The following PTPN13 variants were observed in gnomAD, a reference collection of about 807,000 sequenced individuals.
The protein encoded by PTPN13 is protein tyrosine phosphatase non-receptor type 13.
A neutral mutation model predicts 284.0 loss-of-function variants in PTPN13; 191 were observed. That is an observed-to-expected ratio of 0.67 (90% CI 0.60 to 0.76). The LOEUF (loss-of-function observed/expected upper bound fraction) is 0.76. Among genes scored for constraint, PTPN13 ranks in the 30% least tolerant of loss-of-function variants. PTPN13 has a pLI of 0.00. For missense variants in PTPN13, 2,797 were observed against 2,939.9 expected (o/e 0.95, Z 1.12); for synonymous variants, 986 against 1,022.3 (o/e 0.96, Z 0.68).
At chr4:86,692,558 T>G (rs1201904277) in intron 5 of PTPN13, among the ~76,000 whole-genome samples, 1 of 152,172 alleles carries the variant, frequency 6.6e-6, no homozygotes, top group Non-Finnish European at 1.5e-5. Context: ...TTCTCTCTTC[T>G]TCCATTTATA....
At position 86,784,477 on chromosome 4, in the gene PTPN13, G is replaced by A. The variant is rs1183547209; in HGVS notation, c.6037G>A (p.Glu2013Lys). The part of the protein sequence containing the change: ...NDSFSTVAGE[E>K]INEISYPKGK... ...TTTTATGCTTTAGGTTGCTGGGGAAGAAATAAATGAAATATCGTACCCCAA... is the reference window on the plus strand; with the variant it reads ...TTTTATGCTTTAGGTTGCTGGGGAAAAAATAAATGAAATATCGTACCCCAA... The change falls in exon 38 of 48, where the codon GAA becomes AAA. Residue 2013 changes from glutamate (E) to lysine (K), a missense_variant. Glu to Lys is a moderately conservative substitution (Grantham distance 56, BLOSUM62 1). Transcript: ENST00000411767. 1.2e-6 allele frequency: 2 copies of A among 1,603,552 alleles called. No individual in the cohort carries two copies. Among genetic ancestry groups the A allele is most frequent in the South Asian group, 2.3e-5 (2 of 88,836 alleles).
At chr4:86,723,510 C>T (rs551463906) in intron 10 of PTPN13, among the ~76,000 whole-genome samples, 1 of 152,272 alleles carries the variant, frequency 6.6e-6, no homozygotes, top group East Asian at 1.9e-4. Flanking sequence ...GGAACCTGTC[C>T]CTGGTGCCAA....
chr4:86,613,402 G>A (rs889822084), intron 1 of PTPN13, among the ~76,000 whole-genome samples: 10 of 151,894 alleles, frequency 6.6e-5, no homozygotes, highest in African/African-American at 1.2e-4. Context: ...TTGGGAGGCC[G>A]AGGCGGGCAG....
At chr4:86,595,585 C>T (rs1476204380) in intron 1 of PTPN13, 1 of 171,742 alleles carries the variant, frequency 5.8e-6, no homozygotes, top group East Asian at 1.9e-4. Flanking sequence ...ATGATCGACA[C>T]CACCGCACAC....
intron 3 of PTPN13, among the ~76,000 whole-genome samples, chr4:86,677,190 C>A (rs1333899657): frequency 6.6e-6 from 1 of 151,978 alleles, no homozygotes; most frequent in Non-Finnish European, 1.5e-5. Context: ...TGGCGTGAAC[C>A]TGGGAGGCAG....
chr4:86,694,555 G>C (rs540249409), intron 6 of PTPN13, among the ~76,000 whole-genome samples: 170 of 119,532 alleles, frequency 1.4e-3, no homozygotes, highest in Non-Finnish European at 9.2e-4. Flanking sequence ...TCCAGCCTGG[G>C]CAACAAAGAG....
At chr4:86,686,663 C>T (rs745627466) in intron 3 of PTPN13, 47 bp from the exon 4 acceptor site, 42 of 1,253,314 alleles carry the variant, frequency 3.4e-5, no homozygotes, top group Middle Eastern at 2.6e-4. Context: ...GCTTAATTTT[C>T]TATTGTATTT....
intron 8 of PTPN13, 141 bp from the exon 9 acceptor site, chr4:86,716,883 G>A (rs549065963): frequency 3.1e-6 from 2 of 643,000 alleles, no homozygotes; most frequent in East Asian, 2.7e-5. Context: ...CCTCAAAAGA[G>A]TTTAATAACA....
chr4:86,801,923 C>T (rs1230556092), intron 42 of PTPN13, among the ~76,000 whole-genome samples: 1 of 152,014 alleles, frequency 6.6e-6, no homozygotes, highest in Admixed American at 6.6e-5. Flanking sequence ...AGTATTGAAG[C>T]AAAGGATATT....
At chr4:86,723,252 G>C (rs1435671238) in intron 10 of PTPN13, among the ~76,000 whole-genome samples, 2 of 152,144 alleles carry the variant, frequency 1.3e-5, no homozygotes, top group South Asian at 2.1e-4. Context: ...CTCTAAAGCA[G>C]GGCTCCACAG....
intron 40 of PTPN13, among the ~76,000 whole-genome samples, chr4:86,790,091 G>T (rs946176355): frequency 6.6e-6 from 1 of 151,952 alleles, no homozygotes; most frequent in East Asian, 1.9e-4. Flanking sequence ...TCTTAGACCA[G>T]GATTGTAATG....
At chr4:86,785,437 A>G (rs1741789197) in intron 39 of PTPN13, 69 bp downstream of exon 39, 6 of 1,353,432 alleles carry the variant, frequency 4.4e-6, no homozygotes, top group Non-Finnish European at 6.0e-6. Context: ...GCATTTTTTG[A>G]GTAAATATGT....
chr4:86,600,413 T>TC (rs1764195762), intron 1 of PTPN13, among the ~76,000 whole-genome samples: 1 of 150,518 alleles, frequency 6.6e-6, no homozygotes, highest in Admixed American at 6.7e-5. Flanking sequence ...AGATGGTATT[T>TC]TTTTTTTTTA....
rs776990949 is a variant in PTPN13 at position 86,758,679 on chromosome 4, A to G, written c.3315A>G (p.Gly1105=). 1.2e-6 allele frequency: 2 copies of G among 1,610,252 alleles called. No individual in the cohort carries two copies. The highest frequency in any genetic ancestry group is 1.7e-6 in the Non-Finnish European group (2 of 1,176,794). The change falls in exon 22 of 48, where the codon GGA becomes GGG. Residue 1105 remains glycine (G), a splice_region_variant and synonymous_variant. Transcript: ENST00000411767. ...TTTTTAAAATGTGTTATTTTACAGGATTTCAAATTATTGGTGGGGAGAAGA... is the reference window on the plus strand; with the variant it reads ...TTTTTAAAATGTGTTATTTTACAGGGTTTCAAATTATTGGTGGGGAGAAGA... ...NLKKDAKYGL[G]FQIIGGEKMG... is the part of the protein sequence containing the mutation.
At chr4:86,706,684 A>G (rs1197836558) in intron 7 of PTPN13, among the ~76,000 whole-genome samples, 1 of 152,218 alleles carries the variant, frequency 6.6e-6, no homozygotes, top group Non-Finnish European at 1.5e-5. Context: ...GGAACAAAAA[A>G]GATCTCAAGA....
Position 86,728,467 on chromosome 4 carries a change from C to T in PTPN13, c.1609-3933C>T, listed in dbSNP as rs531108330. Reference sequence around the variant, plus strand: ...GGAGTCTAAGTCTCTTTGTAGGTCTCTAAGGACTTCCTTTATGAATCTGGG... The same window carrying T: ...GGAGTCTAAGTCTCTTTGTAGGTCTTTAAGGACTTCCTTTATGAATCTGGG... On this transcript the variant is annotated intron_variant, in intron 10 of 47. Transcript: ENST00000411767. Among the ~76,000 whole-genome samples, 76 of 148,060 alleles carry T rather than the reference C, an allele frequency of 5.1e-4. 3 individuals are homozygous for T. Among genetic ancestry groups the T allele is most frequent in the Admixed American group, 8.9e-4 (13 of 14,658 alleles).
At chr4:86,638,694 A>T (rs918482649) in intron 2 of PTPN13, among the ~76,000 whole-genome samples, 3 of 152,204 alleles carry the variant, frequency 2.0e-5, no homozygotes, top group Non-Finnish European at 4.4e-5. Flanking sequence ...TGGATTAAAG[A>T]TTTAAACGTT....
chr4:86,763,061 C>T lies in PTPN13; in HGVS notation c.3888C>T (p.Phe1296=). 6.2e-7 allele frequency: 1 copy of T among 1,613,858 alleles called. No individual in the cohort carries two copies. Among genetic ancestry groups the T allele is most frequent in the Non-Finnish European group, 8.5e-7 (1 of 1,179,856 alleles). Residue 1296 remains phenylalanine (F), a synonymous_variant, in exon 24 of 48, where the codon TTC becomes TTT. Transcript: ENST00000411767. ...CCAAAGCCACCGAGAAAGAGACTTTCACTGATAGTAACCAAAGCAAAACTA... is the reference window on the plus strand; with the variant it reads ...CCAAAGCCACCGAGAAAGAGACTTTTACTGATAGTAACCAAAGCAAAACTA... ...VISKATEKET[F]TDSNQSKTKK...
chr4:86,769,423 C>A (rs1739723052), intron 28 of PTPN13, among the ~76,000 whole-genome samples: 1 of 152,160 alleles, frequency 6.6e-6, no homozygotes, highest in East Asian at 1.9e-4. Flanking sequence ...CTTCGGCCTC[C>A]CAAAGTACTG....
Sources: allele counts gnomAD v4.1 joint callset (sites outside exome capture counted in the v4.1 genomes callset), GRCh38; gene constraint gnomAD v4.1.1; transcripts MANE v1.5; gene names NCBI Gene and HGNC (gene_info 2026-07-23, HGNC 2026-07-21).